The following CARS2 variants were observed in gnomAD, a reference collection of about 807,000 sequenced individuals.
CARS2 encodes the protein cysteinyl-tRNA synthetase 2, mitochondrial.
In CARS2, 52 loss-of-function variants were observed where a neutral mutation model predicts 68.8. The ratio of observed to expected loss-of-function variants is 0.76; its 90% confidence interval spans 0.61 to 0.95. The LOEUF is 0.95. Ranked by LOEUF, CARS2 falls within the 40% of genes least tolerant of loss-of-function variation. The probability of loss-of-function intolerance (pLI) is 0.00; values close to 1 mark genes in which losing one functional copy is unlikely to be tolerated. For synonymous variants in CARS2, 314 were observed against 303.6 expected, an observed-to-expected ratio of 1.03 and a Z score of -0.36; for missense variants, 780 against 754.2, an observed-to-expected ratio of 1.03 and a Z score of -0.40.
At chr13:110,695,648 A>G (rs1280602893) in intron 3 of CARS2, among the ~76,000 whole-genome samples, 1 of 152,206 alleles carries the variant, frequency 6.6e-6, no homozygotes, top group Non-Finnish European at 1.5e-5. Context: ...AATGTACTTA[A>G]TGCCACTGAA....
intron 1 of CARS2, among the ~76,000 whole-genome samples, chr13:110,711,603 T>A (rs1244697335): frequency 6.6e-6 from 1 of 152,248 alleles, no homozygotes; most frequent in Non-Finnish European, 1.5e-5. Context: ...AGGCCAAGAC[T>A]AGAATAGCGT....
chr13:110,713,326 C>T (rs2064060539), exon 1 of CARS2: 4 of 1,135,316 alleles, frequency 3.5e-6, no homozygotes, highest in South Asian at 3.4e-5. Context: ...GTTTCTGTCC[C>T]GCGGCCCGTT....
chr13:110,663,659 C>A, intron 8 of CARS2, 141 bp from the exon 9 acceptor site: 1 of 1,419,010 alleles, frequency 7.0e-7, no homozygotes, highest in Non-Finnish European at 9.2e-7. Flanking sequence ...AAATCTGCCC[C>A]CAAATCTTCA....
At chr13:110,686,084 CCTGGGGA>C (rs1225228909) in intron 5 of CARS2, among the ~76,000 whole-genome samples, 1 of 151,630 alleles carries the variant, frequency 6.6e-6, no homozygotes, top group Non-Finnish European at 1.5e-5. Flanking sequence ...CAGCACATGC[CCTGGGGA>C]CAAGTGAGTA....
intron 6 of CARS2, among the ~76,000 whole-genome samples, chr13:110,679,470 C>T (rs1009337837): frequency 6.6e-6 from 1 of 150,852 alleles, no homozygotes; most frequent in Non-Finnish European, 1.5e-5. Flanking sequence ...GCGGAGGTTA[C>T]AGTGAGCCGA....
intron 3 of CARS2, among the ~76,000 whole-genome samples, chr13:110,695,501 G>A (rs1023612990): frequency 6.6e-6 from 1 of 151,976 alleles, no homozygotes; most frequent in Non-Finnish European, 1.5e-5. Flanking sequence ...CAAAACAAAA[G>A]CATATATATT....
At chr13:110,713,366 G>T (rs777275617) in exon 1 of CARS2, 15 of 1,065,146 alleles carry the variant, frequency 1.4e-5, no homozygotes, top group Non-Finnish European at 1.7e-5. Flanking sequence ...AGCGAAGCAG[G>T]CCGCTCCCCT....
chr13:110,655,486 C>T (rs570965832), intron 9 of CARS2, among the ~76,000 whole-genome samples: 25 of 152,226 alleles, frequency 1.6e-4, no homozygotes, highest in African/African-American at 3.4e-4. Flanking sequence ...CCGACTGAGG[C>T]CAAGAGATTA....
At chr13:110,687,690 A>AG in intron 5 of CARS2, 31 bp downstream of exon 5, 18 of 1,336,814 alleles carry the variant, frequency 1.3e-5, no homozygotes, top group East Asian at 4.8e-5. Flanking sequence ...AAAAAAAAAA[A>AG]AGAAAAAAAA....
upstream of CARS2, among the ~76,000 whole-genome samples, chr13:110,710,642 C>T (rs971294896): frequency 1.3e-5 from 2 of 152,110 alleles, no homozygotes; most frequent in Non-Finnish European, 2.9e-5. Context: ...ATTTAAAATT[C>T]GTTATCAAAG....
At chr13:110,666,543 G>A in intron 8 of CARS2, 4 of 985,270 alleles carry the variant, frequency 4.1e-6, no homozygotes, top group East Asian at 1.1e-4. Context: ...TGACTTCGGG[G>A]CAATCAGCCT....
intron 8 of CARS2, chr13:110,666,864 C>CA: frequency 1.0e-6 from 1 of 985,374 alleles, no homozygotes. Context: ...AAGTGAATTC[C>CA]AAAACTGCTG....
intron 3 of CARS2, among the ~76,000 whole-genome samples, chr13:110,698,589 TC>T (rs1566349681): frequency 6.6e-6 from 1 of 152,002 alleles, no homozygotes; most frequent in Non-Finnish European, 1.5e-5. Context: ...TGAATGTTTG[TC>T]CCCTCCAAAA....
chr13:110,671,885 G>C (rs1358435819), intron 7 of CARS2, among the ~76,000 whole-genome samples: 1 of 151,622 alleles, frequency 6.6e-6, no homozygotes, highest in East Asian at 1.9e-4. Flanking sequence ...CCAAACAAAA[G>C]GAAAACAAAA....
At chr13:110,694,962 G>T (rs1323021966) in intron 3 of CARS2, among the ~76,000 whole-genome samples, 1 of 152,078 alleles carries the variant, frequency 6.6e-6, no homozygotes, top group African/African-American at 2.4e-5. Context: ...CTGCATCTGT[G>T]GGTTCAATCG....
upstream of CARS2, among the ~76,000 whole-genome samples, chr13:110,709,272 T>G (rs1273958336): frequency 6.6e-6 from 1 of 151,920 alleles, no homozygotes; most frequent in Non-Finnish European, 1.5e-5. Context: ...TTTTGTATTT[T>G]TAGTACAGAT....
chr13:110,657,761 T>C (rs1237406733), intron 9 of CARS2, among the ~76,000 whole-genome samples: 1 of 152,198 alleles, frequency 6.6e-6, no homozygotes, highest in Non-Finnish European at 1.5e-5. Context: ...CAAATTACCA[T>C]GCAGCATGCC....
rs1287331266 is a variant in CARS2 at position 110,653,196 on chromosome 13, G to GGT, written c.988-2098_988-2097dup. The stretch of plus-strand genomic sequence containing the variant: ...GGCCTGGGGTGGGGAGGGGGGCTGG[G>GGT]GTATGTGTGTGTGTGTGTTTGTGTG... On this transcript the variant is annotated intron_variant, in intron 9 of 14. Coordinates refer to ENST00000257347, the MANE Select transcript of CARS2 (RefSeq NM_024537.4). The surrounding 1 kb of genome is among the most constrained non-coding windows in gnomAD (Gnocchi z 5.6). Among the ~76,000 whole-genome samples, 2 of 123,824 alleles carry GGT rather than the reference G, an allele frequency of 1.6e-5. No homozygotes were observed. Among genetic ancestry groups the GGT allele is most frequent in the African/African-American group, 3.7e-5 (1 of 27,340 alleles). 81.2% of individuals were successfully genotyped at this position (123,824 alleles called of 152,430 possible).
intron 3 of CARS2, among the ~76,000 whole-genome samples, chr13:110,690,365 C>T (rs1336004408): frequency 1.3e-5 from 2 of 152,184 alleles, no homozygotes; most frequent in African/African-American, 2.4e-5. Flanking sequence ...AAGGAAAATA[C>T]AGCGACCAGT....
Sources: gnomAD v4.1 joint callset for allele counts (sites outside exome capture counted in the v4.1 genomes callset) on GRCh38, gnomAD v4.1.1 for gene constraint, Gnocchi (gnomAD v3.1) non-coding constraint, MANE v1.5 for transcripts, NCBI Gene and HGNC (gene_info 2026-07-23, HGNC 2026-07-21) for gene names.